SGCZ: variants seen among roughly 807,000 people sequenced by gnomAD.
SGCZ encodes the protein sarcoglycan zeta.
Under a neutral mutation model 41.3 loss-of-function variants are expected in SGCZ, and 40 were observed. That is an observed-to-expected ratio of 0.97 (90% CI 0.75 to 1.26). The LOEUF (loss-of-function observed/expected upper bound fraction) is 1.26. Ranked by LOEUF, SGCZ falls within the 50% of genes most tolerant of loss-of-function variation. SGCZ has a pLI of 0.00. For synonymous variants in SGCZ, 206 were observed against 137.5 expected (o/e 1.50, Z -3.49); for missense variants, 552 against 369.8 (o/e 1.49, Z -4.04).
chr8:15,061,920 T>A (rs535422045), intron 1 of SGCZ, among the ~76,000 whole-genome samples: 1 of 152,356 alleles, frequency 6.6e-6, no homozygotes, highest in African/African-American at 2.4e-5. Flanking sequence ...CCTCCAGGTT[T>A]GACTCCTGCC....
intron 5 of SGCZ, among the ~76,000 whole-genome samples, chr8:14,153,523 C>T (rs1803777170): frequency 6.6e-6 from 1 of 152,096 alleles, no homozygotes; most frequent in Admixed American, 6.5e-5. Context: ...CATACTGTCA[C>T]TGAGAAGAAC....
intron 1 of SGCZ, among the ~76,000 whole-genome samples, chr8:14,727,751 A>G (rs1810105267): frequency 6.6e-6 from 1 of 151,990 alleles, no homozygotes; most frequent in Non-Finnish European, 1.5e-5. Flanking sequence ...TGACCTCGTG[A>G]TCCACCCGCC....
intron 5 of SGCZ, among the ~76,000 whole-genome samples, chr8:14,141,393 G>A (rs1173662215): frequency 6.6e-6 from 1 of 152,104 alleles, no homozygotes; most frequent in Non-Finnish European, 1.5e-5. Context: ...CTACAGAATG[G>A]AAGAAAATTT....
intron 2 of SGCZ, among the ~76,000 whole-genome samples, chr8:14,329,718 A>G (rs149732252): frequency 1.3e-5 from 2 of 152,318 alleles, no homozygotes; most frequent in East Asian, 3.9e-4. Context: ...GAAATATTAT[A>G]AAACAGACTC....
chr8:14,995,117 G>A (rs1428282179), intron 1 of SGCZ, among the ~76,000 whole-genome samples: 3 of 152,260 alleles, frequency 2.0e-5, no homozygotes, highest in Non-Finnish European at 2.9e-5. Context: ...AGTCAATAAA[G>A]GGAGTGCCAT....
At chr8:14,882,305 C>A (rs1444578873) in intron 1 of SGCZ, among the ~76,000 whole-genome samples, 1 of 152,076 alleles carries the variant, frequency 6.6e-6, no homozygotes, top group Non-Finnish European at 1.5e-5. Flanking sequence ...TGGTGTCCAC[C>A]ACAGACTATA....
intron 1 of SGCZ, among the ~76,000 whole-genome samples, chr8:14,593,017 A>G (rs1205848996): frequency 6.6e-6 from 1 of 152,136 alleles, no homozygotes; most frequent in African/African-American, 2.4e-5. Flanking sequence ...TTACATTGGT[A>G]CTGAATTATC....
intron 1 of SGCZ, among the ~76,000 whole-genome samples, chr8:15,232,340 C>T (rs370338641): frequency 6.6e-6 from 1 of 152,022 alleles, no homozygotes; most frequent in Non-Finnish European, 1.5e-5. Flanking sequence ...GGGCCTTCAA[C>T]ATTTGATGTA....
intron 1 of SGCZ, among the ~76,000 whole-genome samples, chr8:15,006,713 T>C (rs969654654): frequency 2.6e-5 from 4 of 152,160 alleles, no homozygotes; most frequent in African/African-American, 9.7e-5. Context: ...TTAATTAGAC[T>C]CTATAAAAAA....
chr8:14,102,465 C>A lies in SGCZ; in HGVS notation c.655G>T (p.Ala219Ser). The A allele has an allele frequency of 6.7e-7, 1 of 1,494,010 alleles. No individual in the cohort carries two copies. Among genetic ancestry groups the A allele is most frequent in the Non-Finnish European group, 9.0e-7 (1 of 1,105,832 alleles). The allele number at this position is 1,494,010 out of a possible 1,614,324, so 92.5% of individuals were successfully genotyped here. Residue 219 changes from alanine to serine, a missense_variant, in exon 7 of 8, where the codon GCT becomes TCT. Ala to Ser is a moderately conservative substitution (Grantham distance 99). Transcript: ENST00000382080. ...GCACTCACCTGGACCCCACGGGGAG[C>A]TTCCATGATCAAGGATCTGGTGGGT... ...ESPTRSLIME[A>S]PRGVQVSAAA...
At chr8:15,056,931 G>A (rs181171597) in intron 1 of SGCZ, among the ~76,000 whole-genome samples, 1 of 152,170 alleles carries the variant, frequency 6.6e-6, no homozygotes, top group Non-Finnish European at 1.5e-5. Context: ...GCAAGCTGAA[G>A]GTGACAAGGA....
intron 4 of SGCZ, among the ~76,000 whole-genome samples, chr8:14,225,446 A>C (rs1437994405): frequency 6.6e-6 from 1 of 151,320 alleles, no homozygotes; most frequent in Non-Finnish European, 1.5e-5. Context: ...ATTGAGGCTG[A>C]GATAAATGAC....
chr8:14,838,952 T>C lies in SGCZ; in HGVS notation c.40-284026A>G, dbSNP rs185104278. 9.8e-4 allele frequency among the ~76,000 whole-genome samples: 149 copies of C among 152,234 alleles called. No individual in the cohort carries two copies. The Middle Eastern group carries it at 0.017, about 17-fold the overall frequency. ...GACCAGGAAGCAGGTGGACCAAGCA[T>C]GGCTATGTTGGACAAGGTAGGACTT... On this transcript the variant is annotated intron_variant, in intron 1 of 7. Transcript: ENST00000382080.
At chr8:15,181,014 C>A (rs1056110306) in intron 1 of SGCZ, among the ~76,000 whole-genome samples, 4 of 152,016 alleles carry the variant, frequency 2.6e-5, no homozygotes, top group African/African-American at 9.7e-5. Context: ...CATACACATA[C>A]AAACTATTGC....
intron 1 of SGCZ, among the ~76,000 whole-genome samples, chr8:15,047,837 A>C (rs182839295): frequency 6.6e-6 from 1 of 152,166 alleles, no homozygotes; most frequent in East Asian, 1.9e-4. Flanking sequence ...AACAAACAAC[A>C]GATACTGGTG....
At chr8:14,108,318 T>C (rs1802271251) in intron 5 of SGCZ, 83 bp from the exon 6 acceptor site, 1 of 1,271,696 alleles carries the variant, frequency 7.9e-7, no homozygotes, top group Non-Finnish European at 1.1e-6. Flanking sequence ...TCAAATATTC[T>C]TCCAAAACAG....
At chr8:14,247,984 C>T (rs924739078) in intron 3 of SGCZ, among the ~76,000 whole-genome samples, 16 of 152,128 alleles carry the variant, frequency 1.1e-4, no homozygotes, top group Non-Finnish European at 1.6e-4. Context: ...TTAAAGCAAA[C>T]GACTAAGGTA....
chr8:14,811,398 T>A (rs907985407), intron 1 of SGCZ, among the ~76,000 whole-genome samples: 1 of 151,792 alleles, frequency 6.6e-6, no homozygotes, highest in Non-Finnish European at 1.5e-5. Context: ...TCTACTCCAC[T>A]GGCTTTGTTT....
At chr8:14,596,155 T>A (rs976463273) in intron 1 of SGCZ, among the ~76,000 whole-genome samples, 5 of 152,220 alleles carry the variant, frequency 3.3e-5, no homozygotes, top group Admixed American at 1.3e-4. Flanking sequence ...TACTCTGCAG[T>A]ATTTGTAGGC....
Sources: gnomAD v4.1 joint callset for allele counts (sites outside exome capture counted in the v4.1 genomes callset) on GRCh38, gnomAD v4.1.1 for gene constraint, MANE v1.5 for transcripts, NCBI Gene and HGNC (gene_info 2026-07-23, HGNC 2026-07-21) for gene names.